SLC25A31: variants seen among roughly 807,000 people sequenced by gnomAD.
SLC25A31 encodes solute carrier family 25 member 31.
Under a neutral mutation model 36.2 loss-of-function variants are expected in SLC25A31, and 40 were observed. The observed-to-expected ratio is 1.10, with a 90% CI of 0.86 to 1.44. SLC25A31 has a LOEUF of 1.44. SLC25A31 is among the 40% of genes most tolerant of loss of function. The pLI is 0.00. For synonymous variants in SLC25A31, 143 were observed against 149.7 expected, an observed-to-expected ratio of 0.96 and a Z score of 0.32; for missense variants, 350 against 397.1, an observed-to-expected ratio of 0.88 and a Z score of 1.01.
intron 1 of SLC25A31, among the ~76,000 whole-genome samples, chr4:127,738,999 A>G (rs374835921): frequency 1.2e-4 from 18 of 152,292 alleles, no homozygotes; most frequent in Admixed American, 2.0e-4. Context: ...GTGTCATTAC[A>G]TATGAGATTG....
chr4:127,751,085 A>G (rs1459886347), intron 2 of SLC25A31, among the ~76,000 whole-genome samples: 1 of 152,316 alleles, frequency 6.6e-6, no homozygotes, highest in African/African-American at 2.4e-5. Flanking sequence ...TAAAGTTCAT[A>G]TGGAACCAAA....
At chr4:127,747,853 A>T (rs186320800) in intron 2 of SLC25A31, among the ~76,000 whole-genome samples, 12 of 152,304 alleles carry the variant, frequency 7.9e-5, no homozygotes, top group Admixed American at 7.8e-4. Context: ...AAAATCTGTT[A>T]TACTGTGGTT....
intron 1 of SLC25A31, among the ~76,000 whole-genome samples, chr4:127,741,984 A>T (rs567487788): frequency 6.6e-6 from 1 of 152,116 alleles, no homozygotes; most frequent in African/African-American, 2.4e-5. Flanking sequence ...CTTTTCTTTC[A>T]CTTATAATTT....
intron 2 of SLC25A31, among the ~76,000 whole-genome samples, chr4:127,762,594 T>C (rs887829048): frequency 1.3e-5 from 2 of 152,114 alleles, no homozygotes; most frequent in Admixed American, 1.3e-4. Flanking sequence ...TTAGTAAAGC[T>C]GTTAAGGAAA....
intron 5 of SLC25A31, among the ~76,000 whole-genome samples, chr4:127,772,259 A>AGT (rs1363834862): frequency 1.3e-5 from 2 of 152,200 alleles, no homozygotes; most frequent in Non-Finnish European, 2.9e-5. Flanking sequence ...TAACAACTAT[A>AGT]GTATTATTCC....
chr4:127,771,217 G>A (rs12504064), intron 5 of SLC25A31, among the ~76,000 whole-genome samples: 85,013 of 151,582 alleles, frequency 0.56, 25,075 homozygotes, highest in Middle Eastern at 0.77. Flanking sequence ...ACAGCCTCCC[G>A]AAGTGGTAGG....
At chr4:127,761,011 T>A (rs897981027) in intron 2 of SLC25A31, among the ~76,000 whole-genome samples, 2 of 152,072 alleles carry the variant, frequency 1.3e-5, no homozygotes, top group African/African-American at 4.8e-5. Context: ...CTTATACTTA[T>A]ATACATACTA....
intron 2 of SLC25A31, among the ~76,000 whole-genome samples, chr4:127,747,468 G>C (rs1450284399): frequency 6.6e-6 from 1 of 152,114 alleles, no homozygotes; most frequent in African/African-American, 2.4e-5. Context: ...ACTGCTCATA[G>C]AAATCAGAGA....
intron 1 of SLC25A31, among the ~76,000 whole-genome samples, chr4:127,738,457 C>A (rs150478328): frequency 1.8e-4 from 27 of 152,202 alleles, no homozygotes; most frequent in African/African-American, 6.5e-4. Context: ...TGTTTTTATT[C>A]TGTTGTGGTC....
intron 1 of SLC25A31, among the ~76,000 whole-genome samples, chr4:127,738,168 A>C (rs1315415411): frequency 5.3e-5 from 8 of 152,164 alleles, no homozygotes; most frequent in Non-Finnish European, 1.0e-4. Context: ...TCCCAGAGTC[A>C]AGCGATTCCC....
At chr4:127,754,856 A>G (rs1732000306) in intron 2 of SLC25A31, among the ~76,000 whole-genome samples, 1 of 152,218 alleles carries the variant, frequency 6.6e-6, no homozygotes, top group Non-Finnish European at 1.5e-5. Context: ...AATACCCACA[A>G]AAAGAACAGA....
chr4:127,768,918 A>G (rs1578673963), intron 5 of SLC25A31, 41 bp downstream of exon 5: 2 of 1,518,716 alleles, frequency 1.3e-6, no homozygotes, highest in African/African-American at 1.4e-5. Flanking sequence ...TGAGTTTTTA[A>G]TATCTCTGAT....
In SLC25A31 at chr4:127,756,590, C is replaced by T. The variant is rs143965532; in HGVS notation, c.361-7653C>T. On this transcript the variant is annotated intron_variant, in intron 2 of 5. Transcript: ENST00000281154. ...TAAAAGAGTATGTTTTAAATGTTCT[C>T]ACCACAAAAATTTAAGTATGTGATA... 5.9e-5 allele frequency among the ~76,000 whole-genome samples: 9 copies of T among 152,172 alleles called. No homozygotes were observed. The East Asian group carries it at 1.5e-3, about 26-fold the overall frequency.
intron 1 of SLC25A31, among the ~76,000 whole-genome samples, chr4:127,741,712 G>C (rs1013202905): frequency 1.3e-5 from 2 of 152,056 alleles, no homozygotes; most frequent in African/African-American, 2.4e-5. Context: ...TTGGTACCGG[G>C]GTAATGTTGG....
intron 4 of SLC25A31, among the ~76,000 whole-genome samples, chr4:127,768,371 C>T (rs1182760464): frequency 1.3e-5 from 2 of 151,930 alleles, no homozygotes; most frequent in East Asian, 1.9e-4. Flanking sequence ...AACATTTCTC[C>T]ACTAGTTTTA....
chr4:127,756,809 G>A (rs1732040023), intron 2 of SLC25A31, among the ~76,000 whole-genome samples: 1 of 152,070 alleles, frequency 6.6e-6, no homozygotes, highest in Non-Finnish European at 1.5e-5. Flanking sequence ...CTACAATAAT[G>A]ATAACACCAA....
In SLC25A31 at chr4:127,730,605, C is replaced by T; in HGVS notation, c.60C>T (p.Phe20=). ...AGCGGCTGTTTGACGCCTCATCCTT[C>T]GGGAAGGACCTTCTGGCCGGCGGAG... The part of the protein sequence containing the change: ...AEKRLFDASS[F]GKDLLAGGVA... The change falls in exon 1 of 6, where the codon TTC becomes TTT. Residue 20 remains phenylalanine (F), a synonymous_variant. Transcript: ENST00000281154. 4.3e-6 allele frequency: 7 copies of T among 1,614,076 alleles called. No individual in the cohort carries two copies. The Middle Eastern group carries it at 4.9e-4, about 114-fold the overall frequency.
intron 1 of SLC25A31, among the ~76,000 whole-genome samples, chr4:127,743,900 G>C (rs371947354): frequency 1.2e-4 from 19 of 152,234 alleles, no homozygotes; most frequent in African/African-American, 4.3e-4. Flanking sequence ...TGGTGCTAGA[G>C]GTATCCTGTT....
chr4:127,753,105 C>G (rs1731967045), intron 2 of SLC25A31, among the ~76,000 whole-genome samples: 1 of 151,922 alleles, frequency 6.6e-6, no homozygotes, highest in Admixed American at 6.6e-5. Context: ...TTCTGAACAA[C>G]CAGTGGATCA....
Sources: allele counts gnomAD v4.1 joint callset (sites outside exome capture counted in the v4.1 genomes callset), GRCh38; gene constraint gnomAD v4.1.1; transcripts MANE v1.5; gene names NCBI Gene and HGNC (gene_info 2026-07-23, HGNC 2026-07-21).